Variants in CLDN10 observed in about 807,000 individuals in gnomAD.
CLDN10 encodes the protein claudin 10, also known as claudin-10.
Under a neutral mutation model 22.9 loss-of-function variants are expected in CLDN10, and 15 were observed. The ratio of observed to expected loss-of-function variants is 0.65; its 90% CI spans 0.44 to 1.01. CLDN10 has a LOEUF of 1.01. Ranked by LOEUF, CLDN10 falls within the 50% of genes least tolerant of loss-of-function variation. The probability of loss-of-function intolerance (pLI) is 0.00; values close to 1 mark genes in which losing one functional copy is unlikely to be tolerated. For synonymous variants in CLDN10, 114 were observed against 111.4 expected, an observed-to-expected ratio of 1.02 and a Z score of -0.15; for missense variants, 247 against 287.8, an observed-to-expected ratio of 0.86 and a Z score of 1.03.
chr13:95,576,601 A>G (rs2043931138), intron 3 of CLDN10, among the ~76,000 whole-genome samples: 1 of 151,950 alleles, frequency 6.6e-6, no homozygotes, highest in Admixed American at 6.6e-5. Flanking sequence ...CACTGTTCAT[A>G]CCTTTGTTTC....
At chr13:95,449,561 C>T (rs183712608) in intron 1 of CLDN10, among the ~76,000 whole-genome samples, 144 of 151,446 alleles carry the variant, frequency 9.5e-4, no homozygotes, top group Non-Finnish European at 1.7e-3. Context: ...ACTCAGTTTT[C>T]TTTTTTTGTT....
At chr13:95,436,111 CCCCA>C (rs1391874586) in intron 1 of CLDN10, among the ~76,000 whole-genome samples, 1 of 152,172 alleles carries the variant, frequency 6.6e-6, no homozygotes, top group African/African-American at 2.4e-5. Flanking sequence ...CTTGCTGCTT[CCCCA>C]AACACATCAT....
At chr13:95,469,532 C>T (rs1057459459) in intron 1 of CLDN10, among the ~76,000 whole-genome samples, 1 of 152,142 alleles carries the variant, frequency 6.6e-6, no homozygotes, top group Non-Finnish European at 1.5e-5. Flanking sequence ...GTTTAATCAC[C>T]GTAGTCTACA....
chr13:95,448,539 C>CAAGAG (rs1172907373), intron 1 of CLDN10, among the ~76,000 whole-genome samples: 1 of 152,110 alleles, frequency 6.6e-6, no homozygotes, highest in Non-Finnish European at 1.5e-5. Flanking sequence ...ATGTGACCCC[C>CAAGAG]CTGGACAGAA....
At chr13:95,504,817 C>T (rs1264451371) in intron 1 of CLDN10, among the ~76,000 whole-genome samples, 1 of 152,190 alleles carries the variant, frequency 6.6e-6, no homozygotes, top group African/African-American at 2.4e-5. Context: ...GGATTACAGG[C>T]ATAAGCCATC....
At chr13:95,560,675 C>T (rs1566338252) in intron 3 of CLDN10, 4 of 549,950 alleles carry the variant, frequency 7.3e-6, no homozygotes, top group East Asian at 3.1e-5. Context: ...TGTCTTGTCT[C>T]GAAACAGTTC....
At chr13:95,577,819 G>C in intron 4 of CLDN10, 81 bp from the exon 5 acceptor site, 1 of 801,438 alleles carries the variant, frequency 1.2e-6, no homozygotes, top group Non-Finnish European at 2.1e-6. Context: ...TATTGGCAGA[G>C]ACAGGCCGAA....
chr13:95,443,731 G>T (rs34757961), intron 1 of CLDN10, among the ~76,000 whole-genome samples: 7,004 of 152,204 alleles, frequency 0.046, 173 homozygotes, highest in Non-Finnish European at 0.063. Context: ...CTGCTTAATG[G>T]GTAAACACTT....
At chr13:95,519,366 G>A (rs895220477) in intron 1 of CLDN10, among the ~76,000 whole-genome samples, 6 of 152,168 alleles carry the variant, frequency 3.9e-5, no homozygotes, top group African/African-American at 1.4e-4. Flanking sequence ...GGCTGCCGCC[G>A]CCATTGCATC....
At chr13:95,477,039 A>G (rs1429385687) in intron 1 of CLDN10, among the ~76,000 whole-genome samples, 2 of 152,124 alleles carry the variant, frequency 1.3e-5, no homozygotes, top group African/African-American at 4.8e-5. Context: ...TCCTCCTAGC[A>G]GGGGAGTTGC....
intron 1 of CLDN10, among the ~76,000 whole-genome samples, chr13:95,529,973 A>T (rs1006682257): frequency 2.0e-5 from 3 of 152,212 alleles, no homozygotes; most frequent in African/African-American, 7.2e-5. Context: ...TCACTATTTA[A>T]AACATTGAGT....
rs186616291 is a variant in CLDN10 at position 95,488,994 on chromosome 13, C to T, written c.214+54947C>T. 3.2e-3 allele frequency among the ~76,000 whole-genome samples: 461 copies of T among 146,288 alleles called. 1 individual carries two copies. Among genetic ancestry groups the T allele is most frequent in the African/African-American group, 0.011 (427 of 39,546 alleles). The stretch of plus-strand genomic sequence containing the variant: ...TTGAAACGGAGTTTCTCTCGTCACC[C>T]AGGCTAGAGTGCAATGGCATGATCT... On this transcript the variant is annotated intron_variant, in intron 1 of 4. Coordinates refer to the CLDN10 transcript ENST00000376873.
intron 1 of CLDN10, among the ~76,000 whole-genome samples, chr13:95,452,248 T>C (rs1022300726): frequency 1.3e-5 from 2 of 152,248 alleles, no homozygotes; most frequent in Non-Finnish European, 2.9e-5. Context: ...GGTCCTTTCA[T>C]ATAGATATTC....
chr13:95,529,449 C>A (rs1335855241), intron 1 of CLDN10, among the ~76,000 whole-genome samples: 1 of 152,026 alleles, frequency 6.6e-6, no homozygotes, highest in Non-Finnish European at 1.5e-5. Flanking sequence ...TGTTAAGAAC[C>A]ATTCGCCTTA....
intron 1 of CLDN10, among the ~76,000 whole-genome samples, chr13:95,439,279 C>A (rs1027958943): frequency 6.6e-6 from 1 of 152,014 alleles, no homozygotes; most frequent in African/African-American, 2.4e-5. Context: ...ATAGACGGCA[C>A]CTTCTCACTG....
At chr13:95,447,305 C>G (rs1427948190) in intron 1 of CLDN10, among the ~76,000 whole-genome samples, 2 of 152,188 alleles carry the variant, frequency 1.3e-5, no homozygotes, top group Admixed American at 1.3e-4. Flanking sequence ...CAAACGTCCC[C>G]ACTAAACTGA....
At chr13:95,485,172 T>C (rs912231048) in intron 1 of CLDN10, among the ~76,000 whole-genome samples, 5 of 152,012 alleles carry the variant, frequency 3.3e-5, no homozygotes, top group Non-Finnish European at 7.4e-5. Context: ...AGGCAGGCTT[T>C]GTAGTAACAA....
chr13:95,578,872 G>A lies in CLDN10; in HGVS notation c.*858G>A, dbSNP rs1448494898. 6.6e-6 allele frequency: 1 copy of A among 152,204 alleles called. No homozygotes were observed. 9.4% of individuals were successfully genotyped at this position (152,204 alleles called of 1,614,324 possible). On this transcript the variant is annotated 3_prime_UTR_variant, in exon 5 of 5. Coordinates refer to ENST00000299339, the MANE Select transcript of CLDN10 (RefSeq NM_006984.5). ...TATGACTGCTCCAGGAAGGGCTAAT[G>A]GGGCCAATATATTATTGCCTGTCAT... is the stretch of plus-strand genomic sequence containing the variant.
chr13:95,570,858 G>GTGTGTATATATATATATATA (rs60359070), intron 3 of CLDN10, among the ~76,000 whole-genome samples: 21 of 119,720 alleles, frequency 1.8e-4, no homozygotes, highest in Non-Finnish European at 2.6e-4. Context: ...ATATACGTGT[G>GTGTGTATATATATATATATA]TATATATATA....
Sources: allele counts gnomAD v4.1 joint callset (sites outside exome capture counted in the v4.1 genomes callset), GRCh38; gene constraint gnomAD v4.1.1; transcripts MANE v1.5; gene names NCBI Gene and HGNC (gene_info 2026-07-23, HGNC 2026-07-21).